PAK5: variants seen among roughly 807,000 people sequenced by gnomAD.
PAK5 encodes the protein serine/threonine-protein kinase PAK 5.
In PAK5, 16 loss-of-function variants were observed where a neutral mutation model predicts 65.9. That is an observed-to-expected ratio of 0.24 (90% CI 0.16 to 0.37). PAK5 has a LOEUF of 0.37. PAK5 is among the 10% of genes least tolerant of loss of function. The pLI, the probability that PAK5 is intolerant of heterozygous loss-of-function variation, is 1.00. For synonymous variants in PAK5, 371 were observed against 354.9 expected (o/e 1.05, Z -0.51); for missense variants, 785 against 903.9 (o/e 0.87, Z 1.69).
intron 1 of PAK5, among the ~76,000 whole-genome samples, chr20:9,796,587 C>CA (rs1332849448): frequency 2.6e-5 from 4 of 151,990 alleles, no homozygotes; most frequent in Admixed American, 6.6e-5. Context: ...TGAAGGTGAC[C>CA]ATCAGATTTG....
At chr20:9,564,902 TAAGTA>T (rs1191210645) in intron 5 of PAK5, among the ~76,000 whole-genome samples, 2 of 151,796 alleles carry the variant, frequency 1.3e-5, no homozygotes, top group African/African-American at 4.8e-5. Context: ...TTAATAAAAA[TAAGTA>T]ATGTATGCTG....
chr20:9,667,051 T>C (rs919383288), intron 2 of PAK5, among the ~76,000 whole-genome samples: 2 of 152,136 alleles, frequency 1.3e-5, no homozygotes, highest in East Asian at 3.9e-4. Context: ...CCAAGGCTGG[T>C]GGATCACTTG....
chr20:9,797,021 T>C (rs1206898966), intron 1 of PAK5, among the ~76,000 whole-genome samples: 1 of 151,858 alleles, frequency 6.6e-6, no homozygotes, highest in Non-Finnish European at 1.5e-5. Flanking sequence ...GTAAAAGTGT[T>C]CCTATTTCTC....
chr20:9,820,726 G>T (rs1600409695), intron 1 of PAK5, among the ~76,000 whole-genome samples: 1 of 152,268 alleles, frequency 6.6e-6, no homozygotes, highest in Non-Finnish European at 1.5e-5. Context: ...ATGGACCAAG[G>T]CAGGCACAAC....
rs1044015540 is a variant in PAK5, at chr20:9,562,316, C to T, written c.1616+575G>A. Among the ~76,000 whole-genome samples the T allele has an allele frequency of 3.4e-4, 52 of 152,264 alleles. 1 individual carries two copies. The highest frequency in any genetic ancestry group is 2.9e-3 in the Admixed American group (44 of 15,298). ...CTCTACCACTTACAAAACAGCCTGG[C>T]ACATAAAAGGTGCTCAATAAATACT... On this transcript the variant is annotated intron_variant, in intron 6 of 9. Transcript: ENST00000353224.
intron 1 of PAK5, among the ~76,000 whole-genome samples, chr20:9,800,907 G>A (rs1216391396): frequency 6.6e-6 from 1 of 151,590 alleles, no homozygotes; most frequent in Non-Finnish European, 1.5e-5. Context: ...AGATGCCACA[G>A]ACACCACCGA....
At chr20:9,676,915 C>G (rs6108327) in intron 2 of PAK5, among the ~76,000 whole-genome samples, 28,578 of 152,078 alleles carry the variant, frequency 0.19, 2,928 homozygotes, top group East Asian at 0.36. Flanking sequence ...TTAGAGAATA[C>G]TGAGTCCAAA....
At chr20:9,639,965 C>T (rs111473841) in intron 3 of PAK5, among the ~76,000 whole-genome samples, 421 of 152,278 alleles carry the variant, frequency 2.8e-3, no homozygotes, top group African/African-American at 9.3e-3. Flanking sequence ...AGTGAAAAAC[C>T]GTGGTGAAGT....
chr20:9,798,287 A>G (rs1480211149), intron 1 of PAK5, among the ~76,000 whole-genome samples: 1 of 152,130 alleles, frequency 6.6e-6, no homozygotes, highest in East Asian at 1.9e-4. Context: ...CTACGTGTGT[A>G]ATGTAAAGAT....
At chr20:9,636,019 C>A (rs2046979287) in intron 3 of PAK5, among the ~76,000 whole-genome samples, 2 of 152,166 alleles carry the variant, frequency 1.3e-5, no homozygotes, top group Non-Finnish European at 2.9e-5. Flanking sequence ...GAAATAACTC[C>A]TTCTGGCTTA....
At chr20:9,633,100 T>C (rs1394850801) in intron 3 of PAK5, among the ~76,000 whole-genome samples, 3 of 152,174 alleles carry the variant, frequency 2.0e-5, no homozygotes, top group African/African-American at 7.2e-5. Flanking sequence ...ACACTCAGGT[T>C]CATACAATGA....
At chr20:9,622,262 C>A (rs913711618) in intron 3 of PAK5, among the ~76,000 whole-genome samples, 15 of 152,116 alleles carry the variant, frequency 9.9e-5, no homozygotes, top group African/African-American at 3.1e-4. Context: ...TGATCTAGAT[C>A]TTCCCTTTCA....
At chr20:9,699,009 T>C (rs946364873) in intron 2 of PAK5, among the ~76,000 whole-genome samples, 9 of 152,162 alleles carry the variant, frequency 5.9e-5, no homozygotes, top group African/African-American at 2.2e-4. Flanking sequence ...TGTTTTCTAT[T>C]TTGAGTAGTG....
chr20:9,641,663 G>A (rs915400662), intron 3 of PAK5, among the ~76,000 whole-genome samples: 5 of 151,832 alleles, frequency 3.3e-5, no homozygotes, highest in Non-Finnish European at 7.4e-5. Context: ...AGGGAGGCTC[G>A]GCCGCACAGG....
chr20:9,615,580 G>C (rs1452206519), intron 3 of PAK5, among the ~76,000 whole-genome samples: 2 of 152,226 alleles, frequency 1.3e-5, no homozygotes, highest in African/African-American at 4.8e-5. Context: ...TCTTGACTTA[G>C]AATAAGTCCT....
chr20:9,729,481 G>A (rs148668266), intron 1 of PAK5, among the ~76,000 whole-genome samples: 67 of 151,940 alleles, frequency 4.4e-4, no homozygotes, highest in Non-Finnish European at 7.5e-4. Context: ...ATATAGGCAC[G>A]AGGTATTATA....
chr20:9,750,453 G>A (rs1023983903), intron 1 of PAK5, among the ~76,000 whole-genome samples: 1 of 151,922 alleles, frequency 6.6e-6, no homozygotes, highest in Non-Finnish European at 1.5e-5. Context: ...TCAATATTTG[G>A]GTGGTACTGG....
chr20:9,747,485 C>T (rs1174240551), intron 1 of PAK5, among the ~76,000 whole-genome samples: 1 of 151,308 alleles, frequency 6.6e-6, no homozygotes, highest in East Asian at 1.9e-4. Context: ...AGCTTATCCA[C>T]CACGATCAAG....
intron 1 of PAK5, among the ~76,000 whole-genome samples, chr20:9,837,283 T>A (rs1393711696): frequency 6.6e-6 from 1 of 152,210 alleles, no homozygotes; most frequent in Non-Finnish European, 1.5e-5. Context: ...TGGCTTTAAT[T>A]TACTTAAATG....
Sources: allele counts gnomAD v4.1 joint callset (sites outside exome capture counted in the v4.1 genomes callset), GRCh38; gene constraint gnomAD v4.1.1; transcripts MANE v1.5; gene names NCBI Gene and HGNC (gene_info 2026-07-23, HGNC 2026-07-21).